The following RARRES1 variants were observed in gnomAD, a reference collection of about 807,000 sequenced individuals.
RARRES1 encodes the protein retinoic acid receptor responder protein 1.
A neutral mutation model predicts 30.6 loss-of-function variants in RARRES1; 34 were observed. That is an observed-to-expected ratio of 1.11 (90% confidence interval 0.84 to 1.48). The LOEUF is 1.48. Ranked by LOEUF, RARRES1 falls within the 40% of genes most tolerant of loss-of-function variation. The pLI, the probability that RARRES1 is intolerant of heterozygous loss-of-function variation, is 0.00. For synonymous variants in RARRES1, 153 were observed against 155.5 expected, an observed-to-expected ratio of 0.98 and a Z score of 0.12; for missense variants, 373 against 386.5, an observed-to-expected ratio of 0.97 and a Z score of 0.29.
chr3:158,730,593 C>T (rs1000591663), intron 1 of RARRES1, among the ~76,000 whole-genome samples: 14 of 151,682 alleles, frequency 9.2e-5, no homozygotes, highest in African/African-American at 1.7e-4. Context: ...GCCACCACAT[C>T]GGCTAATTTT....
intron 1 of RARRES1, among the ~76,000 whole-genome samples, chr3:158,717,663 C>T (rs1031231453): frequency 2.0e-5 from 3 of 152,122 alleles, no homozygotes; most frequent in Non-Finnish European, 4.4e-5. Context: ...GAAAAGATCC[C>T]TCTAGCTGGA....
intron 1 of RARRES1, among the ~76,000 whole-genome samples, chr3:158,721,118 A>G (rs1727499012): frequency 6.6e-6 from 1 of 152,158 alleles, no homozygotes; most frequent in Admixed American, 6.5e-5. Context: ...AGGATTAGAC[A>G]AGCCGAGAGA....
Position 158,704,890 on chromosome 3 carries a change from G to C in RARRES1, c.573C>G (p.Ile191Met). 2 of 1,613,822 alleles carry C rather than the reference G, an allele frequency of 1.2e-6. No homozygotes were observed. The highest frequency in any genetic ancestry group is 1.7e-6 in the Non-Finnish European group (2 of 1,179,954). ...AGCTTCCAAGGAAAGCCAAATCCCA[G>C]ATGAGTCTCAGAGAGGGATCAATAT... is the stretch of plus-strand genomic sequence containing the variant. ...HGHIDPSLRL[I>M]WDLAFLGSSY... is the part of the protein sequence containing the mutation. The change falls in exon 4 of 6, where the codon ATC (isoleucine) becomes ATG (methionine). Residue 191 changes from isoleucine (I) to methionine (M), a missense_variant. Ile to Met is a conservative substitution (Grantham distance 10). Coordinates refer to ENST00000237696, the MANE Select transcript of RARRES1 (RefSeq NM_206963.2).
At chr3:158,715,171 A>C (rs1727283144) in intron 1 of RARRES1, among the ~76,000 whole-genome samples, 1 of 152,212 alleles carries the variant, frequency 6.6e-6, no homozygotes, top group Admixed American at 6.5e-5. Flanking sequence ...AAGTCTGTCT[A>C]TTCACTCATT....
At chr3:158,698,177 G>A in intron 4 of RARRES1, 1 of 527,696 alleles carries the variant, frequency 1.9e-6, no homozygotes, top group South Asian at 2.4e-5. Flanking sequence ...TGAAAGTCTG[G>A]TTGAATGTCT....
chr3:158,709,992 T>G (rs1203317186), intron 3 of RARRES1, among the ~76,000 whole-genome samples: 5 of 152,214 alleles, frequency 3.3e-5, no homozygotes, highest in Non-Finnish European at 7.3e-5. Context: ...CATCTGGCCT[T>G]GGAGTGTAAG....
chr3:158,698,474 A>G (rs1248025996), intron 4 of RARRES1, among the ~76,000 whole-genome samples: 1 of 152,246 alleles, frequency 6.6e-6, no homozygotes, highest in Non-Finnish European at 1.5e-5. Context: ...GGAAGGGACA[A>G]ATGGGAATTC....
chr3:158,699,010 G>T (rs73156492), intron 4 of RARRES1, among the ~76,000 whole-genome samples: 1 of 152,018 alleles, frequency 6.6e-6, no homozygotes, highest in African/African-American at 2.4e-5. Context: ...ACCAGGAGAA[G>T]GCCTTAAGAG....
At chr3:158,729,718 C>T (rs1054580415) in intron 1 of RARRES1, among the ~76,000 whole-genome samples, 3 of 152,072 alleles carry the variant, frequency 2.0e-5, no homozygotes, top group Admixed American at 6.5e-5. Flanking sequence ...TCCCAAAGTG[C>T]TGAGATTACA....
intron 2 of RARRES1, 135 bp from the exon 3 acceptor site, chr3:158,711,068 T>C (rs1482305262): frequency 2.7e-6 from 2 of 749,184 alleles, no homozygotes; most frequent in Non-Finnish European, 4.4e-6. Context: ...TTTGGTTTAT[T>C]GTGGGTTGTG....
intron 1 of RARRES1, 86 bp downstream of exon 1, chr3:158,732,054 C>G: frequency 5.0e-6 from 6 of 1,209,024 alleles, no homozygotes; most frequent in Non-Finnish European, 6.3e-6. Context: ...TCCGTTGGGC[C>G]GGCAGGCGCG....
At chr3:158,714,105 G>C (rs573086830) in intron 1 of RARRES1, among the ~76,000 whole-genome samples, 13 of 152,096 alleles carry the variant, frequency 8.5e-5, no homozygotes, top group Admixed American at 1.3e-4. Flanking sequence ...GTTCTGACTG[G>C]AGTGACTTTG....
chr3:158,713,370 C>T (rs1177071005), intron 2 of RARRES1, among the ~76,000 whole-genome samples: 1 of 152,132 alleles, frequency 6.6e-6, no homozygotes, highest in African/African-American at 2.4e-5. Flanking sequence ...TACAGAGTGC[C>T]TCTGTGTACG....
At chr3:158,704,297 A>G (rs1384138615) in intron 4 of RARRES1, among the ~76,000 whole-genome samples, 1 of 141,224 alleles carries the variant, frequency 7.1e-6, no homozygotes, top group African/African-American at 2.6e-5. Context: ...CAGTAGCTCA[A>G]TCATAGCTTA....
intron 1 of RARRES1, among the ~76,000 whole-genome samples, chr3:158,728,414 GA>G (rs1727758564): frequency 4.6e-5 from 7 of 151,970 alleles, no homozygotes; most frequent in Non-Finnish European, 1.0e-4. Context: ...CTGGATGGAT[GA>G]TAGACATTGT....
chr3:158,706,704 T>C (rs899831351), intron 3 of RARRES1, among the ~76,000 whole-genome samples: 3 of 152,194 alleles, frequency 2.0e-5, no homozygotes, highest in Admixed American at 6.5e-5. Context: ...AGTTATTAAA[T>C]GTTAGTAGAT....
chr3:158,707,041 C>G (rs544472736), intron 3 of RARRES1, among the ~76,000 whole-genome samples: 2 of 152,062 alleles, frequency 1.3e-5, no homozygotes, highest in African/African-American at 2.4e-5. Flanking sequence ...TGGTGGCACA[C>G]GCCTGTAATC....
At chr3:158,724,828 C>CTT (rs371008452) in intron 1 of RARRES1, among the ~76,000 whole-genome samples, 6 of 144,732 alleles carry the variant, frequency 4.1e-5, no homozygotes, top group Middle Eastern at 3.7e-3. Flanking sequence ...GACTCCCTTT[C>CTT]TTTTTTTTTT....
intron 1 of RARRES1, among the ~76,000 whole-genome samples, chr3:158,721,853 G>A (rs1559874214): frequency 6.6e-6 from 1 of 152,120 alleles, no homozygotes; most frequent in African/African-American, 2.4e-5. Context: ...CACTTTGGGA[G>A]GCCGAGGTGG....
Sources: gnomAD v4.1 joint callset for allele counts (sites outside exome capture counted in the v4.1 genomes callset) on GRCh38, gnomAD v4.1.1 for gene constraint, MANE v1.5 for transcripts, NCBI Gene and HGNC (gene_info 2026-07-23, HGNC 2026-07-21) for gene names.